SLCO1C1: variants seen among roughly 807,000 people sequenced by gnomAD.
SLCO1C1 encodes solute carrier organic anion transporter family member 1C1, also known as OAT-RP-5.
In SLCO1C1, 70 loss-of-function variants were observed where a neutral mutation model predicts 76.4. The observed-to-expected ratio is 0.92, with a 90% CI of 0.76 to 1.12. SLCO1C1 has a LOEUF of 1.12. Ranked by LOEUF, SLCO1C1 falls within the 50% of genes most tolerant of loss-of-function variation. The pLI is 0.00. For synonymous variants in SLCO1C1, 306 were observed against 286.1 expected (o/e 1.07, Z -0.70); for missense variants, 912 against 823.8 (o/e 1.11, Z -1.31).
rs1947103814 is a variant in SLCO1C1, at chr12:20,711,574, G to T, written c.529+64G>T. The T allele has an allele frequency of 1.9e-6, 3 of 1,547,666 alleles. No individual in the cohort carries two copies. The African/African-American group carries it at 4.1e-5, about 21-fold the overall frequency. ...AAAAAAAGACTTTATATGTGCTTTAGGATGGACAAAAGTGTCTATGATTTT... is the reference window on the plus strand; with the variant it reads ...AAAAAAAGACTTTATATGTGCTTTATGATGGACAAAAGTGTCTATGATTTT... On this transcript the variant is annotated intron_variant, in intron 5 of 14. Coordinates refer to ENST00000266509, the MANE Select transcript of SLCO1C1 (RefSeq NM_017435.5).
At position 20,737,197 on chromosome 12, in the gene SLCO1C1, C is replaced by T. The variant is rs781647611; in HGVS notation, c.1473C>T (p.Cys491=). Residue 491 remains cysteine (C), a synonymous_variant, in exon 11 of 15, where the codon TGC becomes TGT. Transcript: ENST00000266509. ...KCSETKWEPM[C]GENGITYVSA... The stretch of plus-strand genomic sequence containing the variant: ...CAGAGACAAAATGGGAACCCATGTG[C>T]GGTGAAAATGGAATCACATATGTAT... 89 of 1,569,390 alleles carry T rather than the reference C, an allele frequency of 5.7e-5. No individual in the cohort carries two copies. The East Asian group carries it at 6.5e-4, about 11-fold the overall frequency.
chr12:20,701,485 A>T, intron 3 of SLCO1C1, 26 bp downstream of exon 3: 1 of 1,431,672 alleles, frequency 7.0e-7, no homozygotes. Flanking sequence ...GCCTGACTTT[A>T]ATTTTAAGCC....
intron 4 of SLCO1C1, among the ~76,000 whole-genome samples, chr12:20,709,887 CAAAAAAAAAAAAAAAAAAAAAAAAA>C (rs996552819): frequency 4.9e-4 from 1 of 2,024 alleles, no homozygotes; most frequent in Non-Finnish European, 1.6e-3. Context: ...GACTCCGTCT[CAAAAAAAAAAAAAAAAAAAAAAAAA>C]AAAAAAAAAA....
chr12:20,733,338 GAACC>G (rs747903044), intron 10 of SLCO1C1, among the ~76,000 whole-genome samples: 31 of 152,222 alleles, frequency 2.0e-4, no homozygotes, highest in African/African-American at 5.8e-4. Context: ...TTACACTAGA[GAACC>G]AACCTGATTA....
At chr12:20,704,852 T>C (rs1161650382) in intron 3 of SLCO1C1, among the ~76,000 whole-genome samples, 1 of 151,986 alleles carries the variant, frequency 6.6e-6, no homozygotes. Flanking sequence ...TTTAGCATGG[T>C]ACATCTTAAA....
intron 12 of SLCO1C1, among the ~76,000 whole-genome samples, chr12:20,742,273 A>G (rs910958869): frequency 4.0e-5 from 6 of 151,538 alleles, no homozygotes; most frequent in Non-Finnish European, 2.9e-5. Flanking sequence ...AGTCCTTCAT[A>G]TTAACTATTG....
Position 20,705,929 on chromosome 12 carries a change from T to C in SLCO1C1, c.272-20T>C, listed in dbSNP as rs768948685. The C allele has an allele frequency of 1.9e-6, 3 of 1,611,362 alleles. No individual in the cohort carries two copies. The highest frequency in any genetic ancestry group is 2.2e-5 in the South Asian group (2 of 90,906). ...TTTCTAAGTTCTCTAATTTATGATG[T>C]TTTATTCTTTTCCTCAAAGGGAATC... is the stretch of plus-strand genomic sequence containing the variant. On this transcript the variant is annotated intron_variant, in intron 3 of 14. Transcript: ENST00000266509.
chr12:20,712,320 A>C (rs963054387), intron 5 of SLCO1C1, among the ~76,000 whole-genome samples: 3 of 152,152 alleles, frequency 2.0e-5, no homozygotes, highest in East Asian at 3.9e-4. Flanking sequence ...CACTGTAGAC[A>C]CTGGAAGTCC....
At position 20,695,988 on chromosome 12, in the gene SLCO1C1, T is replaced by A. The variant is rs137994470; in HGVS notation, c.-26+181T>A. On this transcript the variant is annotated intron_variant, in intron 1 of 14. Transcript: ENST00000266509. ...GATTGGTTAAAGAAATCAGATAAAC[T>A]CAAATTTGAGTTCAAATTTTGAGTC... 1.4e-3 allele frequency among the ~76,000 whole-genome samples: 217 copies of A among 152,216 alleles called. 2 individuals carry two copies. The highest frequency in any genetic ancestry group is 5.1e-3 in the African/African-American group (212 of 41,556).
At chr12:20,719,345 G>A (rs1947539041) in intron 7 of SLCO1C1, among the ~76,000 whole-genome samples, 1 of 152,054 alleles carries the variant, frequency 6.6e-6, no homozygotes, top group Admixed American at 6.6e-5. Flanking sequence ...AGGCCAATTA[G>A]TAACCCTACA....
At chr12:20,696,832 G>A (rs968463536) in intron 1 of SLCO1C1, 6 of 152,014 alleles carry the variant, frequency 3.9e-5, no homozygotes, top group African/African-American at 1.2e-4. Flanking sequence ...TTTTTACAGG[G>A]GATGAACTGT....
chr12:20,745,760 G>A (rs1356943478), intron 13 of SLCO1C1, among the ~76,000 whole-genome samples: 2 of 151,946 alleles, frequency 1.3e-5, no homozygotes, highest in Non-Finnish European at 2.9e-5. Context: ...GGTAGGCAGA[G>A]GTTGCAGTGA....
At chr12:20,715,034 C>G in intron 5 of SLCO1C1, 105 bp from the exon 6 acceptor site, 1 of 1,386,342 alleles carries the variant, frequency 7.2e-7, no homozygotes. Context: ...TGCACAAAAA[C>G]TCCTGCATTC....
chr12:20,743,394 T>G (rs374696373), intron 13 of SLCO1C1, 25 bp downstream of exon 13: 32 of 1,555,006 alleles, frequency 2.1e-5, no homozygotes, highest in Non-Finnish European at 2.8e-5. Flanking sequence ...TGCTTTAATT[T>G]ATGGTAGACA....
At chr12:20,696,806 A>G (rs1345261953) in intron 1 of SLCO1C1, 1 of 152,078 alleles carries the variant, frequency 6.6e-6, no homozygotes, top group Non-Finnish European at 1.5e-5. Context: ...CATGTCATTG[A>G]GCTTCCTTCC....
intron 13 of SLCO1C1, among the ~76,000 whole-genome samples, chr12:20,747,993 T>C (rs1949126203): frequency 6.6e-6 from 1 of 152,204 alleles, no homozygotes. Context: ...TTCTATAACA[T>C]GTTTGGTGTG....
In SLCO1C1 at chr12:20,721,869, G is replaced by C. The variant is rs947168173; in HGVS notation, c.841G>C (p.Ala281Pro). The change falls in exon 8 of 15, where the codon GCA (alanine) becomes CCA (proline). Residue 281 changes from alanine to proline, a missense_variant. Physicochemically the swap from Ala to Pro is conservative, Grantham distance 27. Transcript: ENST00000266509. ...AGCCTGGTGGCTTGGCTATCTAATA[G>C]CAGGAATCATAAGTCTTCTTGCAGC... is the stretch of plus-strand genomic sequence containing the variant. Reference protein sequence around the residue: ...VGAWWLGYLIAGIISLLAAVP... With the variant: ...VGAWWLGYLIPGIISLLAAVP... 5.0e-6 allele frequency: 8 copies of C among 1,614,024 alleles called. No individual in the cohort carries two copies. Among genetic ancestry groups the C allele is most frequent in the African/African-American group, 1.3e-5 (1 of 74,938 alleles).
At chr12:20,715,515 TGC>T (rs1325709598) in intron 6 of SLCO1C1, among the ~76,000 whole-genome samples, 1 of 152,206 alleles carries the variant, frequency 6.6e-6, no homozygotes, top group African/African-American at 2.4e-5. Flanking sequence ...AGAAAATAAC[TGC>T]GAGCTTAGCT....
chr12:20,723,407 T>C (rs889944510), intron 9 of SLCO1C1, among the ~76,000 whole-genome samples, 153 bp downstream of exon 9: 1 of 152,136 alleles, frequency 6.6e-6, no homozygotes, highest in African/African-American at 2.4e-5. Context: ...TAGCAAGAAT[T>C]ATTCACATCT....
Sources: gnomAD v4.1 joint callset for allele counts (sites outside exome capture counted in the v4.1 genomes callset) on GRCh38, gnomAD v4.1.1 for gene constraint, MANE v1.5 for transcripts, NCBI Gene and HGNC (gene_info 2026-07-23, HGNC 2026-07-21) for gene names.